The following KCNH7 variants were observed in gnomAD, a reference collection of about 807,000 sequenced individuals.
KCNH7 encodes voltage-gated inwardly rectifying potassium channel KCNH7.
A neutral mutation model predicts 120.8 loss-of-function variants in KCNH7; 49 were observed. The ratio of observed to expected loss-of-function variants is 0.41; its 90% CI spans 0.32 to 0.51. The LOEUF (loss-of-function observed/expected upper bound fraction) is 0.51. Among genes scored for constraint, KCNH7 ranks in the 20% least tolerant of loss-of-function variants. The pLI, the probability that KCNH7 is intolerant of heterozygous loss-of-function variation, is 0.38. For missense variants in KCNH7, 1,097 were observed against 1,446.6 expected (o/e 0.76, Z 3.92); for synonymous variants, 547 against 516.1 (o/e 1.06, Z -0.81).
chr2:162,786,343 C>A (rs1683704491), intron 2 of KCNH7, among the ~76,000 whole-genome samples: 1 of 151,910 alleles, frequency 6.6e-6, no homozygotes, highest in African/African-American at 2.4e-5. Context: ...ATGTCAACCC[C>A]TCCTTACTTA....
chr2:162,408,547 T>C (rs148057289), intron 9 of KCNH7, among the ~76,000 whole-genome samples: 2 of 152,110 alleles, frequency 1.3e-5, no homozygotes, highest in East Asian at 3.9e-4. Flanking sequence ...CAAACCTATT[T>C]ATGCCAGCTG....
chr2:162,767,014 AG>A (rs1682843549), intron 2 of KCNH7, among the ~76,000 whole-genome samples: 1 of 152,118 alleles, frequency 6.6e-6, no homozygotes, highest in Non-Finnish European at 1.5e-5. Flanking sequence ...ATTCCATATA[AG>A]TTTATAAAGA....
intron 2 of KCNH7, among the ~76,000 whole-genome samples, chr2:162,620,040 A>G (rs1683289688): frequency 6.6e-6 from 1 of 151,616 alleles, no homozygotes; most frequent in Non-Finnish European, 1.5e-5. Context: ...CACTATACAC[A>G]GTATATACAT....
In KCNH7 at chr2:162,517,807, C is replaced by T. The variant is rs1691360048; in HGVS notation, c.815G>A (p.Arg272Lys). The T allele has an allele frequency of 7.4e-6, 12 of 1,610,796 alleles. No homozygotes were observed. Among genetic ancestry groups the T allele is most frequent in the Non-Finnish European group, 1.0e-5 (12 of 1,177,646 alleles). ...TTCTATATCATGGACCGAAGATGCT[C>T]TCCGTATACTACATAAGCTTTCCCT... ...RSRESLCSIRRASSVHDIEGF... is the reference protein window; with the variant it reads ...RSRESLCSIRKASSVHDIEGF... Residue 272 changes from arginine to lysine, a missense_variant, in exon 4 of 16, where the codon AGA becomes AAA. Physicochemically the swap from Arg to Lys is conservative, Grantham distance 26 (BLOSUM62 2). This residue lies in a region of KCNH7 where 362 missense variants were observed against 372.2 expected (regional missense o/e 0.97). Transcript: ENST00000332142.
At chr2:162,497,252 G>A (rs973610104) in intron 6 of KCNH7, among the ~76,000 whole-genome samples, 1 of 152,124 alleles carries the variant, frequency 6.6e-6, no homozygotes, top group African/African-American at 2.4e-5. Flanking sequence ...AATGAACAAA[G>A]TTCAATATAA....
intron 2 of KCNH7, among the ~76,000 whole-genome samples, chr2:162,755,544 C>T (rs972026198): frequency 6.6e-6 from 1 of 152,090 alleles, no homozygotes; most frequent in African/African-American, 2.4e-5. Context: ...TGTTTACCCA[C>T]ATGTTTCACT....
At chr2:162,502,366 C>T (rs1340051035) in intron 6 of KCNH7, 2 of 151,996 alleles carry the variant, frequency 1.3e-5, no homozygotes, top group Non-Finnish European at 2.9e-5. Context: ...CATGACATTG[C>T]TTGTTATGGT....
intron 2 of KCNH7, among the ~76,000 whole-genome samples, chr2:162,761,037 G>T (rs1375248816): frequency 6.6e-6 from 1 of 152,018 alleles, no homozygotes; most frequent in African/African-American, 2.4e-5. Flanking sequence ...AGAGTCAGGT[G>T]GATACATTAC....
intron 6 of KCNH7, among the ~76,000 whole-genome samples, chr2:162,487,394 G>A (rs563466742): frequency 1.4e-4 from 21 of 152,136 alleles, no homozygotes; most frequent in Non-Finnish European, 2.2e-4. Context: ...TAATGTGGCA[G>A]AAGAGGTCAC....
At chr2:162,724,308 C>G (rs557249284) in intron 2 of KCNH7, among the ~76,000 whole-genome samples, 198 of 152,186 alleles carry the variant, frequency 1.3e-3, no homozygotes, top group African/African-American at 4.7e-3. Context: ...TACATACATA[C>G]CTATGATAAA....
intron 6 of KCNH7, among the ~76,000 whole-genome samples, chr2:162,470,166 C>G (rs1256990687): frequency 6.6e-6 from 1 of 152,078 alleles, no homozygotes; most frequent in African/African-American, 2.4e-5. Context: ...GCCTGGCCGC[C>G]CATCGTCTGG....
At chr2:162,469,826 CCT>C (rs1292930924) in intron 6 of KCNH7, among the ~76,000 whole-genome samples, 1 of 152,180 alleles carries the variant, frequency 6.6e-6, no homozygotes, top group African/African-American at 2.4e-5. Flanking sequence ...CCTGCCTCAG[CCT>C]ACCGAGTGCC....
chr2:162,373,547 G>T lies in KCNH7; in HGVS notation c.3247C>A (p.Pro1083Thr), dbSNP rs1686044453. ...MVTAGSEYQR[P>T]IIQLMRTSQP... Reference sequence around the variant, plus strand: ...CTGGTTCTCATCAGCTGGATGATGGGTCTCTGATATTCTGATCCTGCTGTT... The same window carrying T: ...CTGGTTCTCATCAGCTGGATGATGGTTCTCTGATATTCTGATCCTGCTGTT... Residue 1083 changes from proline to threonine, a missense_variant, in exon 15 of 16, where the codon CCC (proline) becomes ACC (threonine). Pro to Thr is a conservative substitution (Grantham distance 38, BLOSUM62 -1). This residue lies in a region of KCNH7 where 406 missense variants were observed against 410.5 expected (regional missense o/e 0.99). Transcript: ENST00000332142. 2 of 1,592,532 alleles carry T rather than the reference G, an allele frequency of 1.3e-6. No homozygotes were observed. The highest frequency in any genetic ancestry group is 1.7e-6 in the Non-Finnish European group (2 of 1,169,456).
chr2:162,480,899 C>G (rs1479265407), intron 6 of KCNH7, among the ~76,000 whole-genome samples: 2 of 152,140 alleles, frequency 1.3e-5, no homozygotes, highest in African/African-American at 2.4e-5. Flanking sequence ...TCATGCTACT[C>G]TTCCCACAGT....
rs181745489 is a variant in KCNH7, at chr2:162,442,966, T to G, written c.1554+3052A>C. ...TATTTATGTACTTATGCATTTACTG[T>G]GTAGAAATATTCATCTATGAACATA... On this transcript the variant is annotated intron_variant, in intron 7 of 15. Coordinates refer to ENST00000332142, the MANE Select transcript of KCNH7 (RefSeq NM_033272.4). Among the ~76,000 whole-genome samples the G allele has an allele frequency of 2.0e-5, 3 of 152,350 alleles. No individual in the cohort carries two copies. In the East Asian group the frequency reaches 5.8e-4, roughly 29 times the overall value.
chr2:162,720,541 C>T (rs1301035236), intron 2 of KCNH7, among the ~76,000 whole-genome samples: 1 of 151,946 alleles, frequency 6.6e-6, no homozygotes, highest in Admixed American at 6.6e-5. Context: ...ATGACTTTTA[C>T]TGATATAAAG....
At chr2:162,435,075 G>A in intron 8 of KCNH7, 123 bp downstream of exon 8, 2 of 877,098 alleles carry the variant, frequency 2.3e-6, no homozygotes, top group Non-Finnish European at 3.4e-6. Context: ...ACCCATATAT[G>A]TAATCCCATT....
At chr2:162,790,452 A>C (rs761572804) in intron 2 of KCNH7, among the ~76,000 whole-genome samples, 106 of 151,964 alleles carry the variant, frequency 7.0e-4, no homozygotes, top group Non-Finnish European at 1.3e-3. Context: ...CTTCCAAAAA[A>C]TTAAAGAGAA....
At chr2:162,590,285 G>T (rs564532317) in intron 2 of KCNH7, among the ~76,000 whole-genome samples, 2 of 152,044 alleles carry the variant, frequency 1.3e-5, no homozygotes, top group Non-Finnish European at 2.9e-5. Context: ...GCATTTATCC[G>T]AGTGCATCTG....
Sources: gnomAD v4.1 joint callset for allele counts (sites outside exome capture counted in the v4.1 genomes callset) on GRCh38, gnomAD v4.1.1 for gene constraint, gnomAD v4.1.1 regional missense constraint, MANE v1.5 for transcripts, NCBI Gene and HGNC (gene_info 2026-07-23, HGNC 2026-07-21) for gene names.